Variants in DLEU7 observed in about 807,000 individuals in gnomAD.
The protein encoded by DLEU7 is deleted in lymphocytic leukemia 7, also known as leukemia-associated protein 7.
In DLEU7, 17 loss-of-function variants were observed where a neutral mutation model predicts 16.0. The observed-to-expected ratio is 1.06, with a 90% CI of 0.73 to 1.59. The LOEUF is 1.59. Among genes scored for constraint, DLEU7 ranks in the 40% most tolerant of loss-of-function variants. The pLI is 0.00. For synonymous variants in DLEU7, 113 were observed against 139.8 expected, an observed-to-expected ratio of 0.81 and a Z score of 1.35; for missense variants, 308 against 314.9, an observed-to-expected ratio of 0.98 and a Z score of 0.17.
At chr13:50,747,954 G>A (rs1874448476) in intron 1 of DLEU7, among the ~76,000 whole-genome samples, 1 of 152,198 alleles carries the variant, frequency 6.6e-6, no homozygotes, top group African/African-American at 2.4e-5. Context: ...CCTGTCAGGG[G>A]CTCTGAAAGG....
intron 1 of DLEU7, among the ~76,000 whole-genome samples, chr13:50,766,840 T>C (rs1010061235): frequency 7.3e-6 from 1 of 136,680 alleles, no homozygotes; most frequent in Non-Finnish European, 1.6e-5. Flanking sequence ...CTGATACAGG[T>C]GCTGTACATA....
intron 1 of DLEU7, among the ~76,000 whole-genome samples, chr13:50,786,116 A>G (rs1875788168): frequency 6.6e-6 from 1 of 152,158 alleles, no homozygotes; most frequent in African/African-American, 2.4e-5. Context: ...GTGTGGTTTT[A>G]CTAATAAGAC....
chr13:50,798,083 C>T (rs1233384098), intron 1 of DLEU7, among the ~76,000 whole-genome samples: 1 of 152,148 alleles, frequency 6.6e-6, no homozygotes, highest in East Asian at 1.9e-4. Context: ...ACCAAATAGG[C>T]CTGGTTCACA....
chr13:50,796,602 A>G (rs898988140), intron 1 of DLEU7, among the ~76,000 whole-genome samples: 2 of 152,234 alleles, frequency 1.3e-5, no homozygotes, highest in African/African-American at 4.8e-5. Flanking sequence ...GAAACCAGGT[A>G]TAAGTGGGAA....
At chr13:50,841,737 CAAAAA>C (rs200036592) in intron 1 of DLEU7, among the ~76,000 whole-genome samples, 5 of 104,848 alleles carry the variant, frequency 4.8e-5, no homozygotes, top group Non-Finnish European at 6.4e-5. Context: ...GACCTTGTCT[CAAAAA>C]AAAAAAAAAA....
intron 1 of DLEU7, among the ~76,000 whole-genome samples, chr13:50,737,036 C>A (rs1052860534): frequency 6.6e-6 from 1 of 152,078 alleles, no homozygotes; most frequent in Non-Finnish European, 1.5e-5. Context: ...AAAAAATTAT[C>A]CAACATTTAA....
intron 1 of DLEU7, among the ~76,000 whole-genome samples, chr13:50,716,472 G>A (rs561884052): frequency 3.2e-4 from 48 of 152,296 alleles, no homozygotes; most frequent in Non-Finnish European, 4.7e-4. Context: ...TTGACTGATC[G>A]AGGAAGGCTA....
chr13:50,756,824 C>G (rs1442528747), intron 1 of DLEU7, among the ~76,000 whole-genome samples: 1 of 152,142 alleles, frequency 6.6e-6, no homozygotes, highest in Non-Finnish European at 1.5e-5. Context: ...GCTGCCCTCC[C>G]GAAGGATCCC....
At chr13:50,733,179 T>G (rs968045940) in intron 1 of DLEU7, among the ~76,000 whole-genome samples, 2 of 152,164 alleles carry the variant, frequency 1.3e-5, no homozygotes, top group Non-Finnish European at 2.9e-5. Context: ...TTAAAAACAG[T>G]GATGATGCTC....
chr13:50,788,703 G>A (rs566605274), intron 1 of DLEU7, among the ~76,000 whole-genome samples: 2 of 152,254 alleles, frequency 1.3e-5, no homozygotes, highest in South Asian at 2.1e-4. Flanking sequence ...AAGGGCCCTC[G>A]CCTGGGATGT....
At chr13:50,795,158 G>A (rs1876077126) in intron 1 of DLEU7, among the ~76,000 whole-genome samples, 2 of 152,042 alleles carry the variant, frequency 1.3e-5, no homozygotes, top group Non-Finnish European at 2.9e-5. Context: ...ATTATCTATA[G>A]GAGATCTATA....
intron 1 of DLEU7, among the ~76,000 whole-genome samples, chr13:50,824,937 A>C (rs1877034265): frequency 6.6e-6 from 1 of 152,196 alleles, no homozygotes; most frequent in Admixed American, 6.6e-5. Context: ...TTTAAAATAG[A>C]GACTATAAAA....
At chr13:50,830,982 C>T (rs912664397) in intron 1 of DLEU7, among the ~76,000 whole-genome samples, 4 of 152,120 alleles carry the variant, frequency 2.6e-5, no homozygotes, top group African/African-American at 9.7e-5. Context: ...ATAGCTACCA[C>T]ATTGAGGGGT....
Position 50,800,484 on chromosome 13 carries a change from A to C in DLEU7, c.459+42704T>G, listed in dbSNP as rs1876217891. Among the ~76,000 whole-genome samples the C allele has an allele frequency of 2.0e-5, 3 of 152,080 alleles. No homozygotes were observed. In the South Asian group the frequency reaches 6.2e-4, roughly 32 times the overall value. On this transcript the variant is annotated intron_variant, in intron 1 of 1. Transcript: ENST00000400393. ...GGGCCTCCTCACTGAGGATAATTTTAAGTTGCTAATTGCTACCTATACCCC... is the reference window on the plus strand; with the variant it reads ...GGGCCTCCTCACTGAGGATAATTTTCAGTTGCTAATTGCTACCTATACCCC...
intron 1 of DLEU7, among the ~76,000 whole-genome samples, chr13:50,782,606 A>G (rs560155242): frequency 3.0e-4 from 45 of 152,248 alleles, no homozygotes; most frequent in Admixed American, 1.3e-3. Flanking sequence ...ACACTTGACC[A>G]TTAGCACAGC....
At chr13:50,825,261 A>G (rs75830874) in intron 1 of DLEU7, among the ~76,000 whole-genome samples, 2,058 of 152,308 alleles carry the variant, frequency 0.014, 48 homozygotes, top group African/African-American at 0.047. Context: ...AAAAATCACA[A>G]TCTTTTTCCT....
At chr13:50,790,591 A>G (rs1279512389) in intron 1 of DLEU7, among the ~76,000 whole-genome samples, 1 of 152,168 alleles carries the variant, frequency 6.6e-6, no homozygotes, top group Non-Finnish European at 1.5e-5. Context: ...ACTGGTGGAA[A>G]GGAGGCATGT....
intron 1 of DLEU7, among the ~76,000 whole-genome samples, chr13:50,780,724 C>T (rs942233687): frequency 6.6e-6 from 1 of 152,086 alleles, no homozygotes; most frequent in Non-Finnish European, 1.5e-5. Flanking sequence ...CCCACAGAAA[C>T]GAGGTACGGC....
chr13:50,801,285 G>A (rs942595689), intron 1 of DLEU7, among the ~76,000 whole-genome samples: 4 of 151,998 alleles, frequency 2.6e-5, no homozygotes, highest in African/African-American at 9.7e-5. Flanking sequence ...TAACTACACC[G>A]TCACCCCTCC....
Sources: gnomAD v4.1 joint callset for allele counts (sites outside exome capture counted in the v4.1 genomes callset) on GRCh38, gnomAD v4.1.1 for gene constraint, MANE v1.5 for transcripts, NCBI Gene and HGNC (gene_info 2026-07-23, HGNC 2026-07-21) for gene names.